RUVBL1: variants seen among roughly 807,000 people sequenced by gnomAD.
RUVBL1 encodes the protein RuvB like AAA ATPase 1.
In RUVBL1, 4 loss-of-function variants were observed where a neutral mutation model predicts 52.4. The ratio of observed to expected loss-of-function variants is 0.08; its 90% CI spans 0.04 to 0.17. RUVBL1 has a LOEUF of 0.17. Ranked by LOEUF, RUVBL1 falls within the 10% of genes least tolerant of loss-of-function variation. The pLI, the probability that RUVBL1 is intolerant of heterozygous loss-of-function variation, is 1.00. For synonymous variants in RUVBL1, 217 were observed against 214.4 expected (o/e 1.01, Z -0.10); for missense variants, 298 against 572.8 (o/e 0.52, Z 4.90).
At chr3:128,097,542 G>C in intron 7 of RUVBL1, 44 bp from the exon 8 acceptor site, 1 of 1,564,536 alleles carries the variant, frequency 6.4e-7, no homozygotes. Context: ...CACAGGGCTG[G>C]GGGAGACTAT....
rs377317342 is a variant in RUVBL1 at position 128,144,600 on chromosome 3, T to C, written c.-40+8603A>G. Among the ~76,000 whole-genome samples the C allele has an allele frequency of 6.6e-5, 10 of 152,176 alleles. No individual in the cohort carries two copies. The East Asian group carries it at 7.7e-4, about 12-fold the overall frequency. On this transcript the variant is annotated intron_variant, in intron 1 of 9. Transcript: ENST00000464873. The stretch of plus-strand genomic sequence containing the variant: ...GGTGAGTGCATTCAAGAAGCAGTTA[T>C]GGGGCTTTGCGTGTGCCAGGCCCAG...
chr3:128,100,506 G>T, intron 6 of RUVBL1, 89 bp downstream of exon 6: 1 of 1,464,516 alleles, frequency 6.8e-7, no homozygotes, highest in Non-Finnish European at 9.1e-7. Context: ...CCTCAAGAAA[G>T]GCAGCAAGAC....
intron 1 of RUVBL1, among the ~76,000 whole-genome samples, chr3:128,137,118 C>T (rs1943959680): frequency 6.6e-6 from 1 of 151,980 alleles, no homozygotes. Flanking sequence ...AATTGAAACA[C>T]TTTAAATAAA....
At chr3:128,065,243 A>G (rs1343376874) in intron 9 of RUVBL1, 4 of 659,654 alleles carry the variant, frequency 6.1e-6, no homozygotes. Context: ...AAACAAAATT[A>G]AGGCAGTTCT....
chr3:128,152,006 G>T (rs931882201), intron 1 of RUVBL1, among the ~76,000 whole-genome samples: 1 of 152,206 alleles, frequency 6.6e-6, no homozygotes, highest in African/African-American at 2.4e-5. Context: ...GGCTGAGACT[G>T]AGCAGTGGCT....
intron 1 of RUVBL1, among the ~76,000 whole-genome samples, chr3:128,147,988 TG>T (rs1294656121): frequency 6.6e-6 from 1 of 152,224 alleles, no homozygotes; most frequent in African/African-American, 2.4e-5. Flanking sequence ...TGAAAGAAGC[TG>T]GACCCCAACG....
At chr3:128,069,004 C>T (rs999737236) in intron 9 of RUVBL1, 1 of 152,606 alleles carries the variant, frequency 6.6e-6, no homozygotes, top group African/African-American at 2.4e-5. Context: ...TTAGTTCATT[C>T]TCTTAATATT....
chr3:128,098,577 G>A (rs1270096864), intron 7 of RUVBL1, among the ~76,000 whole-genome samples: 1 of 152,172 alleles, frequency 6.6e-6, no homozygotes, highest in Non-Finnish European at 1.5e-5. Flanking sequence ...TAGGGAGGGG[G>A]CTGACAGCCC....
At chr3:128,112,572 T>C (rs184651627) in intron 3 of RUVBL1, among the ~76,000 whole-genome samples, 39 of 152,188 alleles carry the variant, frequency 2.6e-4, no homozygotes, top group Non-Finnish European at 4.7e-4. Flanking sequence ...TTTCAGTGGA[T>C]AGTCATCTCT....
intron 4 of RUVBL1, 61 bp from the exon 5 acceptor site, chr3:128,101,709 T>C: frequency 6.5e-7 from 1 of 1,546,358 alleles, no homozygotes; most frequent in Non-Finnish European, 8.9e-7. Context: ...TGACACCATG[T>C]AAGGTACCTT....
intron 8 of RUVBL1, among the ~76,000 whole-genome samples, chr3:128,092,672 A>G (rs1942872437): frequency 6.6e-6 from 1 of 152,232 alleles, no homozygotes; most frequent in African/African-American, 2.4e-5. Context: ...ATTACCCACT[A>G]GAATATCTAT....
chr3:128,150,953 T>A (rs866808740), intron 1 of RUVBL1, among the ~76,000 whole-genome samples: 632 of 69,962 alleles, frequency 9.0e-3, no homozygotes, highest in Middle Eastern at 0.02. Context: ...TTATATATAT[T>A]ATATATTCTA....
chr3:128,128,142 A>G (rs1197030686), upstream of RUVBL1, among the ~76,000 whole-genome samples: 7 of 151,998 alleles, frequency 4.6e-5, no homozygotes, highest in Admixed American at 4.6e-4. Context: ...GCGCCACCAC[A>G]CCCAGCTAAT....
chr3:128,085,856 G>T (rs963234828), intron 9 of RUVBL1, among the ~76,000 whole-genome samples: 3 of 152,228 alleles, frequency 2.0e-5, no homozygotes, highest in Admixed American at 6.5e-5. Context: ...TGAGATGAGA[G>T]ATTTCTAGCA....
chr3:128,066,206 A>G (rs1941973096), intron 9 of RUVBL1, among the ~76,000 whole-genome samples: 2 of 152,128 alleles, frequency 1.3e-5, no homozygotes, highest in Admixed American at 6.5e-5. Flanking sequence ...GTAAGGAACT[A>G]TTATAAGGTG....
intron 9 of RUVBL1, among the ~76,000 whole-genome samples, chr3:128,086,071 A>T (rs1942637591): frequency 6.6e-6 from 1 of 152,172 alleles, no homozygotes; most frequent in Non-Finnish European, 1.5e-5. Flanking sequence ...ATCACAGCTC[A>T]CTGCAGCCTC....
intron 1 of RUVBL1, among the ~76,000 whole-genome samples, chr3:128,139,090 A>C (rs11709725): frequency 0.14 from 21,354 of 152,150 alleles, 1,705 homozygotes; most frequent in African/African-American, 0.21. Flanking sequence ...CTATGAAACC[A>C]CTAAAATAAA....
chr3:128,145,074 G>A (rs891195294), intron 1 of RUVBL1, among the ~76,000 whole-genome samples: 23 of 152,320 alleles, frequency 1.5e-4, no homozygotes, highest in East Asian at 5.8e-4. Flanking sequence ...GTGTCTTCAT[G>A]TTGTCATCTG....
chr3:128,078,981 G>A (rs1942402498), downstream of RUVBL1: 1 of 152,266 alleles, frequency 6.6e-6, no homozygotes, highest in Non-Finnish European at 1.5e-5. Context: ...TGAGGGGCAG[G>A]AACCAGGGGT....
Sources: allele counts gnomAD v4.1 joint callset (sites outside exome capture counted in the v4.1 genomes callset), GRCh38; gene constraint gnomAD v4.1.1; transcripts MANE v1.5; gene names NCBI Gene and HGNC (gene_info 2026-07-23, HGNC 2026-07-21).